Variants in NAB1 observed in about 807,000 individuals in gnomAD.
The protein encoded by NAB1 is NGFI-A-binding protein 1.
A neutral mutation model predicts 49.9 loss-of-function variants in NAB1; 25 were observed. The observed-to-expected ratio is 0.50, with a 90% confidence interval of 0.37 to 0.70. NAB1 has a LOEUF of 0.70. Among genes scored for constraint, NAB1 ranks in the 30% least tolerant of loss-of-function variants. The pLI is 0.00. For synonymous variants in NAB1, 198 were observed against 215.6 expected (o/e 0.92, Z 0.71); for missense variants, 489 against 575.9 (o/e 0.85, Z 1.54).
chr2:190,662,586 A>G (rs1324840579), intron 4 of NAB1, among the ~76,000 whole-genome samples: 2 of 152,200 alleles, frequency 1.3e-5, no homozygotes, highest in African/African-American at 4.8e-5. Flanking sequence ...TGCATCTATC[A>G]TAAGGGGTGT....
intron 3 of NAB1, among the ~76,000 whole-genome samples, chr2:190,656,876 G>C (rs1482212154): frequency 6.6e-6 from 1 of 152,088 alleles, no homozygotes; most frequent in Non-Finnish European, 1.5e-5. Context: ...AATGTGAGGA[G>C]CACATATGCT....
At position 190,654,068 on chromosome 2, in the gene NAB1, G is replaced by A. The variant is rs147832534; in HGVS notation, c.-196-1909G>A. 1.6e-4 allele frequency among the ~76,000 whole-genome samples: 25 copies of A among 152,282 alleles called. No individual in the cohort carries two copies. The East Asian group carries it at 4.8e-3, about 29-fold the overall frequency. On this transcript the variant is annotated intron_variant, in intron 2 of 9. Transcript: ENST00000337386. The surrounding 1 kb of genome is among the most constrained non-coding windows in gnomAD (Gnocchi z 5.6). The stretch of plus-strand genomic sequence containing the variant: ...CTGATCAGATTCTGACTCAGACATT[G>A]GGTTTCATTGCACAGCAACCTTTCC...
chr2:190,667,251 GT>G lies in NAB1; in HGVS notation c.820-3072del, dbSNP rs1694569540. Among the ~76,000 whole-genome samples, 1 of 152,158 alleles carries G rather than the reference GT, an allele frequency of 6.6e-6. No homozygotes were observed. The highest frequency in any genetic ancestry group is 2.4e-5 in the African/African-American group (1 of 41,430). On this transcript the variant is annotated intron_variant, in intron 4 of 9. Coordinates refer to ENST00000337386, the MANE Select transcript of NAB1 (RefSeq NM_005966.4). The surrounding 1 kb of genome is among the most constrained non-coding windows in gnomAD (Gnocchi z 4.4). ...AAGGAATACTAGAATATTGTTTTCAGTTTATGTTGAAAAGTTATTTTCTGTG... is the reference window on the plus strand; with the variant it reads ...AAGGAATACTAGAATATTGTTTTCAGTTATGTTGAAAAGTTATTTTCTGTG...
At position 190,677,749 on chromosome 2, in the gene NAB1, C is replaced by CAG. The variant is rs1695142555; in HGVS notation, c.1005+4597_1005+4598insAG. On this transcript the variant is annotated intron_variant, in intron 6 of 9. Coordinates refer to ENST00000337386, the MANE Select transcript of NAB1 (RefSeq NM_005966.4). This position sits in a 1 kb window ranked among gnomAD's most constrained non-coding sequence, Gnocchi z 5.6. ...GGAGAGACCCAGACAGGCTCAGTATCTTCACCTGTGTTGCCAAACTGCTAT... is the reference window on the plus strand; with the variant it reads ...GGAGAGACCCAGACAGGCTCAGTATCAGTTCACCTGTGTTGCCAAACTGCTAT... Among the ~76,000 whole-genome samples the CAG allele has an allele frequency of 6.6e-6, 1 of 152,156 alleles. No homozygotes were observed. Among genetic ancestry groups the CAG allele is most frequent in the Non-Finnish European group, 1.5e-5 (1 of 68,036 alleles).
intron 4 of NAB1, among the ~76,000 whole-genome samples, chr2:190,664,610 T>TGG: frequency 7.4e-6 from 1 of 134,570 alleles, no homozygotes; most frequent in South Asian, 2.5e-4. Flanking sequence ...TTTTTTTTTT[T>TGG]TTTTGTAGGG....
In NAB1 at chr2:190,651,437, G is replaced by T. The variant is rs533371518; in HGVS notation, c.-197+1455G>T. Among the ~76,000 whole-genome samples, 1 of 152,312 alleles carries T rather than the reference G, an allele frequency of 6.6e-6. No individual in the cohort carries two copies. The highest frequency in any genetic ancestry group is 1.9e-4 in the East Asian group (1 of 5,192). ...ATTAAAGATTTTGGGGGTTTGCACTGTGGATGCTTCTTTGAAAGAAGAAAT... is the reference window on the plus strand; with the variant it reads ...ATTAAAGATTTTGGGGGTTTGCACTTTGGATGCTTCTTTGAAAGAAGAAAT... On this transcript the variant is annotated intron_variant, in intron 2 of 9. Transcript: ENST00000337386. The surrounding 1 kb of genome is among the most constrained non-coding windows in gnomAD (Gnocchi z 4.3).
chr2:190,672,628 TA>T (rs1694870057), intron 5 of NAB1, among the ~76,000 whole-genome samples: 1 of 152,164 alleles, frequency 6.6e-6, no homozygotes. Flanking sequence ...TACTGAACCA[TA>T]AAGGGATATC....
At position 190,685,699 on chromosome 2, in the gene NAB1, A is replaced by G; in HGVS notation, c.1258+61A>G. 1.6e-6 allele frequency: 2 copies of G among 1,248,456 alleles called. No individual in the cohort carries two copies. The highest frequency in any genetic ancestry group is 2.1e-6 in the Non-Finnish European group (2 of 951,330). The allele number at this position is 1,248,456 out of a possible 1,614,324, so 77.3% of individuals were successfully genotyped here. Reference sequence around the variant, plus strand: ...CTATGTGCACTTCAAAGAGAAACAGAAGACAGTGGCTGATTTTTAAATTAT... The same window carrying G: ...CTATGTGCACTTCAAAGAGAAACAGGAGACAGTGGCTGATTTTTAAATTAT... On this transcript the variant is annotated intron_variant, in intron 8 of 9. Transcript: ENST00000337386. This position sits in a 1 kb window ranked among gnomAD's most constrained non-coding sequence, Gnocchi z 4.5.
rs1695419348 is a variant in NAB1, at chr2:190,682,923, G to A, written c.1006-815G>A. On this transcript the variant is annotated intron_variant, in intron 6 of 9. Transcript: ENST00000337386. The surrounding 1 kb of genome is among the most constrained non-coding windows in gnomAD (Gnocchi z 4.1). ...AAAATATCATCTCTGCAGTAATTCT[G>A]CTTCTGGGAATCTTTTGTAGTAGAT... is the stretch of plus-strand genomic sequence containing the variant. Among the ~76,000 whole-genome samples the A allele has an allele frequency of 6.6e-6, 1 of 152,148 alleles. No individual in the cohort carries two copies. The highest frequency in any genetic ancestry group is 1.5e-5 in the Non-Finnish European group (1 of 68,030).
At chr2:190,661,843 T>C (rs931545354) in intron 4 of NAB1, among the ~76,000 whole-genome samples, 2 of 152,234 alleles carry the variant, frequency 1.3e-5, no homozygotes, top group African/African-American at 4.8e-5. Context: ...GGTCCAATAA[T>C]ATAGTTTAGG....
Position 190,673,402 on chromosome 2 carries a change from C to T in NAB1, c.1005+250C>T, listed in dbSNP as rs76781181. 4.2e-3 allele frequency among the ~76,000 whole-genome samples: 635 copies of T among 152,106 alleles called. 11 individuals are homozygous for T. The East Asian group carries it at 0.046, about 11-fold the overall frequency. On this transcript the variant is annotated intron_variant, in intron 6 of 9. Transcript: ENST00000337386. Reference sequence around the variant, plus strand: ...GTAGAGATGTGGTCTCGCTATGTTGCCCAGGCTGGTCTTGCACTCAAACTC... The same window carrying T: ...GTAGAGATGTGGTCTCGCTATGTTGTCCAGGCTGGTCTTGCACTCAAACTC...
rs1693742231 is a variant in NAB1 at position 190,652,962 on chromosome 2, G to A, written c.-197+2980G>A. Among the ~76,000 whole-genome samples, 1 of 152,154 alleles carries A rather than the reference G, an allele frequency of 6.6e-6. No homozygotes were observed. Among genetic ancestry groups the A allele is most frequent in the South Asian group, 2.1e-4 (1 of 4,832 alleles). ...GCAGCCCAGGAGGGCTTTGAATACG[G>A]CCCAACACAAATGCATAAACTTTCT... On this transcript the variant is annotated intron_variant, in intron 2 of 9. Coordinates refer to ENST00000337386, the MANE Select transcript of NAB1 (RefSeq NM_005966.4). The surrounding 1 kb of genome is among the most constrained non-coding windows in gnomAD (Gnocchi z 4.2).
In NAB1 at chr2:190,680,308, T is replaced by C. The variant is rs1695270862; in HGVS notation, c.1006-3430T>C. On this transcript the variant is annotated intron_variant, in intron 6 of 9. Transcript: ENST00000337386. This position sits in a 1 kb window ranked among gnomAD's most constrained non-coding sequence, Gnocchi z 5.2. The stretch of plus-strand genomic sequence containing the variant: ...GGCTTACAGAATCTGGCCCTGTGTT[T>C]CCACCTTCCCTCACCACTCCCTCTT... 6.6e-6 allele frequency among the ~76,000 whole-genome samples: 1 copy of C among 152,230 alleles called. No individual in the cohort carries two copies. The highest frequency in any genetic ancestry group is 1.5e-5 in the Non-Finnish European group (1 of 68,030).
chr2:190,674,918 CCTCA>C lies in NAB1; in HGVS notation c.1005+1769_1005+1772del, dbSNP rs1284281273. On this transcript the variant is annotated intron_variant, in intron 6 of 9. Transcript: ENST00000337386. This position sits in a 1 kb window ranked among gnomAD's most constrained non-coding sequence, Gnocchi z 5.7. ...AAAAAGTACTTATATTTGTAACCTA[CCTCA>C]CTGTTAGCTCTGGAATAATGTTTAA... Among the ~76,000 whole-genome samples the C allele has an allele frequency of 6.6e-6, 1 of 152,150 alleles. No individual in the cohort carries two copies. Among genetic ancestry groups the C allele is most frequent in the Non-Finnish European group, 1.5e-5 (1 of 68,024 alleles).
intron 3 of NAB1, among the ~76,000 whole-genome samples, chr2:190,658,056 C>T (rs926076589): frequency 5.3e-5 from 8 of 152,176 alleles, no homozygotes; most frequent in African/African-American, 1.9e-4. Context: ...CTGTGAACAA[C>T]TTTTAAAGGC....
chr2:190,651,955 A>C lies in NAB1; in HGVS notation c.-197+1973A>C, dbSNP rs13412079. Among the ~76,000 whole-genome samples, 13,670 of 152,184 alleles carry C rather than the reference A, an allele frequency of 0.09. 1,051 individuals are homozygous for C. Among genetic ancestry groups the C allele is most frequent in the African/African-American group, 0.2 (8,333 of 41,470 alleles). ...AAGATTGCTAGACCCTTTGCTTTGG[A>C]TTTATTTTTATCTTACCTGCTTCTT... On this transcript the variant is annotated intron_variant, in intron 2 of 9. Coordinates refer to ENST00000337386, the MANE Select transcript of NAB1 (RefSeq NM_005966.4). This position sits in a 1 kb window ranked among gnomAD's most constrained non-coding sequence, Gnocchi z 4.3.
chr2:190,649,395 C>G lies in NAB1; in HGVS notation c.-334+35C>G, dbSNP rs1177577368. 1 of 152,246 alleles carries G rather than the reference C, an allele frequency of 6.6e-6. No homozygotes were observed. The highest frequency in any genetic ancestry group is 2.4e-5 in the African/African-American group (1 of 41,440). 9.4% of individuals were successfully genotyped at this position (152,246 alleles called of 1,614,324 possible). On this transcript the variant is annotated intron_variant, in intron 1 of 9. Coordinates refer to ENST00000337386, the MANE Select transcript of NAB1 (RefSeq NM_005966.4). This position sits in a 1 kb window ranked among gnomAD's most constrained non-coding sequence, Gnocchi z 6.1. ...GGAGCGGACGGTCGCCACTCCCGGT[C>G]CGCCAAGTGCGGGACACTTTCGCGG...
At chr2:190,672,628 T>C (rs974365792) in intron 5 of NAB1, among the ~76,000 whole-genome samples, 1 of 152,164 alleles carries the variant, frequency 6.6e-6, no homozygotes, top group South Asian at 2.1e-4. Flanking sequence ...TACTGAACCA[T>C]AAAGGGATAT....
chr2:190,659,672 G>A lies in NAB1; in HGVS notation c.496G>A (p.Ala166Thr), dbSNP rs760044107. The A allele has an allele frequency of 1.9e-6, 3 of 1,613,850 alleles. No homozygotes were observed. Among genetic ancestry groups the A allele is most frequent in the South Asian group, 2.2e-5 (2 of 91,058 alleles). ...GESRLWQGHH[A>T]TESEHSLSPA... ...GTCCAGACTCTGGCAAGGCCACCAT[G>A]CCACTGAGAGCGAGCACAGCCTCTC... The change falls in exon 4 of 10, where the codon GCC (alanine) becomes ACC (threonine). Residue 166 changes from alanine to threonine, a missense_variant. Around this residue, in one of 4 missense-constraint regions of NAB1, gnomAD observed 204 missense variants for 220.9 expected, o/e 0.92. Coordinates refer to ENST00000337386, the MANE Select transcript of NAB1 (RefSeq NM_005966.4). This position sits in a 1 kb window ranked among gnomAD's most constrained non-coding sequence, Gnocchi z 6.2.
Sources: allele counts gnomAD v4.1 joint callset (sites outside exome capture counted in the v4.1 genomes callset), GRCh38; gene constraint gnomAD v4.1.1; regional missense constraint gnomAD v4.1.1; non-coding constraint Gnocchi (gnomAD v3.1); transcripts MANE v1.5; gene names NCBI Gene and HGNC (gene_info 2026-07-23, HGNC 2026-07-21).